Variants in SKIC3 observed in about 807,000 individuals in gnomAD.
SKIC3 encodes superkiller complex protein 3.
the SKIC3 span, among the ~76,000 whole-genome samples, chr5:95,495,836 G>C: frequency 1.3e-5 from 2 of 152,176 alleles, no homozygotes; most frequent in South Asian, 2.1e-4. Flanking sequence ...GACTTCAGTT[G>C]CACATTAAAG....
chr5:95,528,246 A>T, the SKIC3 span: 2 of 1,469,356 alleles, frequency 1.4e-6, no homozygotes, highest in Non-Finnish European at 1.9e-6. Context: ...TTGCAGATAC[A>T]ATAAGCATAA....
At chr5:95,527,175 A>C in the SKIC3 span, among the ~76,000 whole-genome samples, 2 of 152,176 alleles carry the variant, frequency 1.3e-5, no homozygotes, top group Non-Finnish European at 2.9e-5. Flanking sequence ...CTTGCTTTCT[A>C]GCATGACAAG....
chr5:95,475,896 T>A, the SKIC3 span, among the ~76,000 whole-genome samples: 1 of 152,216 alleles, frequency 6.6e-6, no homozygotes, highest in Non-Finnish European at 1.5e-5. Flanking sequence ...TCTGTACTTC[T>A]TCACATTCAC....
the SKIC3 span, among the ~76,000 whole-genome samples, chr5:95,467,361 A>G: frequency 6.6e-6 from 1 of 152,202 alleles, no homozygotes; most frequent in Non-Finnish European, 1.5e-5. Flanking sequence ...ATTACTTACA[A>G]CATGCTTCAC....
At chr5:95,507,947 G>C in the SKIC3 span, among the ~76,000 whole-genome samples, 1 of 145,968 alleles carries the variant, frequency 6.9e-6, no homozygotes, top group East Asian at 2.0e-4. Flanking sequence ...AAAAAAAATA[G>C]CAAACACCCT....
the SKIC3 span, chr5:95,543,147 C>T: frequency 1.9e-6 from 3 of 1,609,546 alleles, no homozygotes; most frequent in African/African-American, 2.7e-5. Flanking sequence ...AAAAAAAATC[C>T]ATTTCCATAA....
chr5:95,492,725 T>C, the SKIC3 span, among the ~76,000 whole-genome samples: 4 of 100,484 alleles, frequency 4.0e-5, no homozygotes, highest in African/African-American at 7.7e-5. Flanking sequence ...TGAGGTGCCA[T>C]AGGGTCTTAA....
the SKIC3 span, among the ~76,000 whole-genome samples, chr5:95,489,926 A>C: frequency 2.0e-5 from 3 of 152,186 alleles, no homozygotes; most frequent in Non-Finnish European, 4.4e-5. Context: ...ACCATTAAAC[A>C]AAAGCCTACT....
chr5:95,543,201 G>A, the SKIC3 span: 1 of 1,613,912 alleles, frequency 6.2e-7, no homozygotes, highest in Non-Finnish European at 8.5e-7. Flanking sequence ...GCTAGTAATT[G>A]GTCTGGCTCT....
chr5:95,514,831 G>A, the SKIC3 span: 2 of 1,606,628 alleles, frequency 1.2e-6, no homozygotes, highest in African/African-American at 2.7e-5. Flanking sequence ...AAGCTTATTA[G>A]TAACTATATG....
chr5:95,554,334 TAGATACAG>T, the SKIC3 span, among the ~76,000 whole-genome samples: 10 of 152,150 alleles, frequency 6.6e-5, no homozygotes, highest in African/African-American at 2.2e-4. Flanking sequence ...TACCCGAAAC[TAGATACAG>T]AAATTGGAAT....
chr5:95,473,523 G>A, the SKIC3 span, among the ~76,000 whole-genome samples: 4 of 152,134 alleles, frequency 2.6e-5, no homozygotes, highest in African/African-American at 7.2e-5. Context: ...TGATCCACCC[G>A]CTTTGGCCTC....
At chr5:95,544,919 A>G in the SKIC3 span, among the ~76,000 whole-genome samples, 1 of 152,248 alleles carries the variant, frequency 6.6e-6, no homozygotes, top group Non-Finnish European at 1.5e-5. Context: ...CGCCACAGGC[A>G]GACAAGGTGA....
At chr5:95,530,121 T>C in the SKIC3 span, 709 of 1,613,582 alleles carry the variant, frequency 4.4e-4, 3 homozygotes, top group African/African-American at 8.5e-3. Context: ...ATCTTCATAC[T>C]TTTTGTCTTG....
chr5:95,467,856 A>C, the SKIC3 span: 2 of 1,613,494 alleles, frequency 1.2e-6, no homozygotes, highest in East Asian at 2.2e-5. Flanking sequence ...AAATAAAATC[A>C]ATGCCTTACG....
chr5:95,549,825 A>G, the SKIC3 span, among the ~76,000 whole-genome samples: 1 of 152,008 alleles, frequency 6.6e-6, no homozygotes, highest in East Asian at 1.9e-4. Context: ...TTGAGATCCA[A>G]CCATCTACTA....
chr5:95,476,488 G>C, the SKIC3 span, among the ~76,000 whole-genome samples: 4 of 152,252 alleles, frequency 2.6e-5, no homozygotes, highest in Admixed American at 1.3e-4. Context: ...CATACTGCCA[G>C]CTGTTTACCA....
chr5:95,536,205 A>G, the SKIC3 span, among the ~76,000 whole-genome samples: 1 of 152,228 alleles, frequency 6.6e-6, no homozygotes, highest in Non-Finnish European at 1.5e-5. Flanking sequence ...GCATACACAG[A>G]GACAAATTCT....
chr5:95,517,679 G>C, the SKIC3 span, among the ~76,000 whole-genome samples: 1 of 152,068 alleles, frequency 6.6e-6, no homozygotes, highest in Non-Finnish European at 1.5e-5. Context: ...CAATGACCAA[G>C]GCAGTAAAGT....
Sources: allele counts gnomAD v4.1 joint callset (sites outside exome capture counted in the v4.1 genomes callset), GRCh38; gene constraint gnomAD v4.1.1; transcripts MANE v1.5; gene names NCBI Gene and HGNC (gene_info 2026-07-23, HGNC 2026-07-21).